ACACA: variants seen among roughly 807,000 people sequenced by gnomAD.
ACACA encodes acetyl-CoA carboxylase 1.
A neutral mutation model predicts 296.1 loss-of-function variants in ACACA; 103 were observed. The ratio of observed to expected loss-of-function variants is 0.35; its 90% CI spans 0.30 to 0.41. ACACA has a LOEUF of 0.41. Among genes scored for constraint, ACACA ranks in the 10% least tolerant of loss-of-function variants. The probability of loss-of-function intolerance (pLI) is 1.00; values close to 1 mark genes in which losing one functional copy is unlikely to be tolerated. For missense variants in ACACA, 1,554 were observed against 2,989.7 expected, an observed-to-expected ratio of 0.52 and a Z score of 11.20; for synonymous variants, 953 against 1,038.6, an observed-to-expected ratio of 0.92 and a Z score of 1.58.
chr17:37,205,942 T>C, intron 32 of ACACA, 70 bp from the exon 33 acceptor site: 1 of 1,292,982 alleles, frequency 7.7e-7, no homozygotes, highest in Non-Finnish European at 1.1e-6. Context: ...GAAGTTATAA[T>C]ATTTGGTAGA....
At chr17:37,208,229 T>C (rs7224248) in intron 30 of ACACA, among the ~76,000 whole-genome samples, 14,194 of 152,222 alleles carry the variant, frequency 0.093, 1,023 homozygotes, top group African/African-American at 0.21. Flanking sequence ...TTTTGTTTTC[T>C]AGGAACTGTA....
In ACACA at chr17:37,085,818, T is replaced by C. The variant is rs575543282; in HGVS notation, c.*1498A>G. On this transcript the variant is annotated 3_prime_UTR_variant, in exon 56 of 56. Coordinates refer to ENST00000616317, the MANE Select transcript of ACACA (RefSeq NM_198834.3). ...AAACTACAGGGTTAAGGCTCAGAAC[T>C]GTGGCTTGTCCAAGAACGTTCATAC... The C allele has an allele frequency of 3.2e-4, 128 of 398,990 alleles. No homozygotes were observed. Among genetic ancestry groups the C allele is most frequent in the Middle Eastern group, 1.2e-3 (2 of 1,612 alleles). The allele number at this position is 398,990 out of a possible 1,614,324, so 24.7% of individuals were successfully genotyped here.
At chr17:37,278,644 A>C (rs2542662) in intron 5 of ACACA, among the ~76,000 whole-genome samples, 44,734 of 152,048 alleles carry the variant, frequency 0.29, 7,663 homozygotes, top group African/African-American at 0.46. Context: ...GGCAATGACA[A>C]CTGTAACAGA....
chr17:37,138,937 C>G (rs550400307), intron 45 of ACACA, among the ~76,000 whole-genome samples: 2 of 152,146 alleles, frequency 1.3e-5, no homozygotes, highest in South Asian at 2.1e-4. Context: ...GACTGCAAAT[C>G]CAAGAATAGA....
At chr17:37,129,846 G>A (rs1052119077) in intron 46 of ACACA, among the ~76,000 whole-genome samples, 14 of 152,194 alleles carry the variant, frequency 9.2e-5, no homozygotes, top group African/African-American at 2.4e-5. Context: ...GAGGGCTTCC[G>A]TGGCTGGAAG....
At chr17:37,144,325 C>A in intron 45 of ACACA, 1 of 525,036 alleles carries the variant, frequency 1.9e-6, no homozygotes, top group South Asian at 1.9e-5. Flanking sequence ...GGCACAGAGT[C>A]ACCCAGTGCC....
intron 45 of ACACA, among the ~76,000 whole-genome samples, chr17:37,142,314 G>A (rs546884450): frequency 5.9e-5 from 9 of 152,290 alleles, no homozygotes; most frequent in African/African-American, 2.2e-4. Context: ...TTGTTGGCAG[G>A]TCACTAAGGC....
At chr17:37,169,143 G>T (rs2076794714) in intron 41 of ACACA, among the ~76,000 whole-genome samples, 1 of 152,188 alleles carries the variant, frequency 6.6e-6, no homozygotes, top group Non-Finnish European at 1.5e-5. Context: ...GTCAACAGAT[G>T]CAGGTCTGTA....
intron 1 of ACACA, among the ~76,000 whole-genome samples, chr17:37,405,243 A>G (rs956074919): frequency 1.1e-4 from 16 of 152,070 alleles, no homozygotes; most frequent in Non-Finnish European, 1.9e-4. Flanking sequence ...ATCCTGATTT[A>G]TTTTTCCATA....
chr17:37,393,252 AT>A (rs1368399943), intron 1 of ACACA, among the ~76,000 whole-genome samples: 4 of 152,046 alleles, frequency 2.6e-5, no homozygotes, highest in African/African-American at 4.8e-5. Context: ...ATGAATGAGT[AT>A]ATTATTTGCA....
chr17:37,348,609 T>C (rs1186251413), intron 1 of ACACA, among the ~76,000 whole-genome samples: 1 of 152,132 alleles, frequency 6.6e-6, no homozygotes, highest in Non-Finnish European at 1.5e-5. Context: ...ACAGGACATA[T>C]TTTCAGACAG....
At chr17:37,221,423 T>C (rs1176174717) in intron 29 of ACACA, 6 of 419,988 alleles carry the variant, frequency 1.4e-5, no homozygotes, top group Non-Finnish European at 2.6e-5. Flanking sequence ...GGCAAAGTTC[T>C]AGCAAGTAAA....
intron 42 of ACACA, chr17:37,161,538 T>G (rs1464589026): frequency 1.7e-6 from 1 of 575,914 alleles, no homozygotes; most frequent in East Asian, 2.9e-5. Flanking sequence ...CTATTTCATC[T>G]AGTGCTCAAC....
At position 37,113,837 on chromosome 17, in the gene ACACA, T is replaced by G. The variant is rs1307452010; in HGVS notation, c.6275-572A>C. ...GCTCAACAAATATCTGCTGAATGAA[T>G]GAATGCTGAATAAATTAGTTATATA... On this transcript the variant is annotated intron_variant, in intron 50 of 55. Transcript: ENST00000616317. The surrounding 1 kb of genome is among the most constrained non-coding windows in gnomAD (Gnocchi z 4.0). Among the ~76,000 whole-genome samples the G allele has an allele frequency of 6.6e-6, 1 of 152,196 alleles. No homozygotes were observed. Among genetic ancestry groups the G allele is most frequent in the Non-Finnish European group, 1.5e-5 (1 of 68,040 alleles).
chr17:37,325,254 T>C (rs2047553110), intron 3 of ACACA, among the ~76,000 whole-genome samples: 1 of 149,152 alleles, frequency 6.7e-6, no homozygotes, highest in Non-Finnish European at 1.5e-5. Context: ...TAATCGCAGC[T>C]ACTTGGGAGG....
chr17:37,085,164 A>T lies in ACACA; in HGVS notation c.*2152T>A, dbSNP rs2072116777. On this transcript the variant is annotated 3_prime_UTR_variant, in exon 56 of 56. Coordinates refer to ENST00000616317, the MANE Select transcript of ACACA (RefSeq NM_198834.3). ...TCCAAGCAGGTCTTGGTCAATATCC[A>T]TCATTTATACTCCTCCTGCCTTAGT... 2 of 156,450 alleles carry T rather than the reference A, an allele frequency of 1.3e-5. No homozygotes were observed. The highest frequency in any genetic ancestry group is 4.8e-5 in the African/African-American group (2 of 41,650). The allele number at this position is 156,450 out of a possible 1,614,324, so 9.7% of individuals were successfully genotyped here.
intron 22 of ACACA, 123 bp from the exon 23 acceptor site, chr17:37,242,176 T>C (rs1259708787): frequency 2.6e-6 from 2 of 775,584 alleles, no homozygotes; most frequent in Non-Finnish European, 4.5e-6. Context: ...ATCTCACATG[T>C]TGGCAGCAGC....
intron 41 of ACACA, among the ~76,000 whole-genome samples, chr17:37,176,300 G>A (rs1050075338): frequency 2.0e-5 from 3 of 152,176 alleles, no homozygotes; most frequent in African/African-American, 7.2e-5. Flanking sequence ...CCACAATGAT[G>A]ACCTGGTAGA....
chr17:37,371,467 C>T (rs1271552689), intron 1 of ACACA, among the ~76,000 whole-genome samples: 1 of 152,106 alleles, frequency 6.6e-6, no homozygotes, highest in Non-Finnish European at 1.5e-5. Context: ...ATGTAAAGAG[C>T]ATCCATGATG....
Sources: allele counts gnomAD v4.1 joint callset (sites outside exome capture counted in the v4.1 genomes callset), GRCh38; gene constraint gnomAD v4.1.1; non-coding constraint Gnocchi (gnomAD v3.1); transcripts MANE v1.5; gene names NCBI Gene and HGNC (gene_info 2026-07-23, HGNC 2026-07-21).